The following THSD7A variants were observed in gnomAD, a reference collection of about 807,000 sequenced individuals.
The protein encoded by THSD7A is thrombospondin type 1 domain containing 7A.
Under a neutral mutation model 231.3 loss-of-function variants are expected in THSD7A, and 96 were observed. The observed-to-expected ratio is 0.41, with a 90% confidence interval of 0.35 to 0.49. The LOEUF (loss-of-function observed/expected upper bound fraction) is 0.49, where lower values mean the gene tolerates loss of function less well. THSD7A is among the 20% of genes least tolerant of loss of function. The probability of loss-of-function intolerance (pLI) is 0.05; values close to 1 mark genes in which losing one functional copy is unlikely to be tolerated. For missense variants in THSD7A, 2,290 were observed against 2,070.2 expected, an observed-to-expected ratio of 1.11 and a Z score of -2.06; for synonymous variants, 940 against 743.3, an observed-to-expected ratio of 1.26 and a Z score of -4.30.
chr7:11,763,494 A>T (rs1782930142), intron 1 of THSD7A, among the ~76,000 whole-genome samples: 1 of 152,180 alleles, frequency 6.6e-6, no homozygotes, highest in African/African-American at 2.4e-5. Flanking sequence ...ATATATACAC[A>T]TCTATATACA....
At position 11,521,476 on chromosome 7, in the gene THSD7A, T is replaced by TTTTA. The variant is rs779165884; in HGVS notation, c.1822+19939_1822+19942dup. On this transcript the variant is annotated intron_variant, in intron 6 of 27. Transcript: ENST00000423059. Reference sequence around the variant, plus strand: ...GGCCACATTCTTTTTTATTTTTTTATTTTATTTATTTATTTATTTATTTTT... The same window carrying TTTTA: ...GGCCACATTCTTTTTTATTTTTTTATTTTATTTATTTATTTATTTATTTATTTTT... Among the ~76,000 whole-genome samples, 86 of 114,740 alleles carry TTTTA rather than the reference T, an allele frequency of 7.5e-4. 13 individuals are homozygous for TTTTA. Among genetic ancestry groups the TTTTA allele is most frequent in the African/African-American group, 2.2e-3 (59 of 26,288 alleles). The allele number at this position is 114,740 out of a possible 152,430, so 75.3% of individuals were successfully genotyped here. A position where few individuals can be genotyped will look rare whatever the true frequency, so the allele number is the denominator to read the frequency against.
At chr7:11,782,675 TTATAAAA>T (rs1783671112) in intron 1 of THSD7A, among the ~76,000 whole-genome samples, 1 of 152,110 alleles carries the variant, frequency 6.6e-6, no homozygotes, top group Non-Finnish European at 1.5e-5. Flanking sequence ...CAGAATATAA[TTATAAAA>T]TAAAACCAAT....
intron 11 of THSD7A, among the ~76,000 whole-genome samples, chr7:11,454,837 T>C (rs1238107307): frequency 2.0e-5 from 3 of 152,150 alleles, no homozygotes; most frequent in East Asian, 1.9e-4. Context: ...TTTTAGAAAT[T>C]TGAGTTACCT....
At chr7:11,690,042 T>C (rs377444222) in intron 1 of THSD7A, among the ~76,000 whole-genome samples, 12 of 151,906 alleles carry the variant, frequency 7.9e-5, no homozygotes, top group South Asian at 6.2e-4. Context: ...AATATGACCA[T>C]ACAATCTTAG....
intron 4 of THSD7A, among the ~76,000 whole-genome samples, chr7:11,589,215 C>A (rs1051025962): frequency 4.6e-5 from 7 of 151,964 alleles, no homozygotes; most frequent in African/African-American, 1.7e-4. Flanking sequence ...CTTTTTCTAC[C>A]AAGGTATTTT....
At chr7:11,532,798 A>G (rs1400583733) in intron 6 of THSD7A, among the ~76,000 whole-genome samples, 4 of 152,224 alleles carry the variant, frequency 2.6e-5, no homozygotes, top group African/African-American at 9.6e-5. Flanking sequence ...GAAATAATTC[A>G]ATGTGCAATT....
chr7:11,647,395 C>A (rs1457435894), intron 1 of THSD7A, among the ~76,000 whole-genome samples: 1 of 152,010 alleles, frequency 6.6e-6, no homozygotes, highest in Non-Finnish European at 1.5e-5. Context: ...TATGGCACAG[C>A]ACCATATTTT....
rs1460464510 is a variant in THSD7A at position 11,447,284 on chromosome 7, A to G, written c.2746T>C (p.Ser916Pro). Residue 916 changes from serine to proline, a missense_variant, in exon 12 of 28, where the codon TCT becomes CCT. Coordinates refer to ENST00000423059, the MANE Select transcript of THSD7A (RefSeq NM_015204.3). ...GCACCACAGTCTCCATTGCATGAAG[A>G]AAACTTGGACCAGCTGGTCAATTGA... ...DCQLTSWSKF[S>P]SCNGDCGAVR... 1.2e-6 allele frequency: 2 copies of G among 1,612,966 alleles called. No individual in the cohort carries two copies. Among genetic ancestry groups the G allele is most frequent in the South Asian group, 1.1e-5 (1 of 91,070 alleles).
chr7:11,382,622 G>C lies in THSD7A; in HGVS notation c.4412-6C>G, dbSNP rs978280644. ...ATATTCATAGCACTGTCCATCTGCA[G>C]GGAAATAATAAACATTAGCAGAAGC... On this transcript the variant is annotated splice_region_variant and splice_polypyrimidine_tract_variant and intron_variant, in intron 23 of 27. Coordinates refer to ENST00000423059, the MANE Select transcript of THSD7A (RefSeq NM_015204.3). The C allele has an allele frequency of 6.2e-7, 1 of 1,608,012 alleles. No individual in the cohort carries two copies. The highest frequency in any genetic ancestry group is 1.7e-5 in the Admixed American group (1 of 59,758).
intron 6 of THSD7A, among the ~76,000 whole-genome samples, chr7:11,533,762 A>G (rs1788800890): frequency 6.6e-6 from 1 of 152,154 alleles, no homozygotes; most frequent in South Asian, 2.1e-4. Context: ...GAGCATCAGC[A>G]CAAACAGCTA....
At chr7:11,575,166 A>C (rs1480627673) in intron 4 of THSD7A, among the ~76,000 whole-genome samples, 1 of 152,328 alleles carries the variant, frequency 6.6e-6, no homozygotes. Context: ...CATCCTCTGC[A>C]TCATTATTAT....
chr7:11,472,267 C>T (rs868293426), intron 8 of THSD7A, among the ~76,000 whole-genome samples: 7 of 152,028 alleles, frequency 4.6e-5, no homozygotes, highest in Non-Finnish European at 8.8e-5. Flanking sequence ...AAATCTTATT[C>T]AAGGTCAAAT....
chr7:11,721,556 C>T (rs1343806935), intron 1 of THSD7A, among the ~76,000 whole-genome samples: 1 of 151,712 alleles, frequency 6.6e-6, no homozygotes, highest in African/African-American at 2.4e-5. Context: ...TCATAAGTTA[C>T]CTAGTCTCAG....
chr7:11,782,697 T>C (rs1388049755), intron 1 of THSD7A, among the ~76,000 whole-genome samples: 3 of 152,086 alleles, frequency 2.0e-5, no homozygotes. Flanking sequence ...ACCAATTACA[T>C]TGGTTACTCT....
At chr7:11,380,054 G>C (rs1439194600) in intron 24 of THSD7A, among the ~76,000 whole-genome samples, 1 of 152,134 alleles carries the variant, frequency 6.6e-6, no homozygotes, top group African/African-American at 2.4e-5. Flanking sequence ...TTGAAAAGCT[G>C]ATTTCATTTC....
At chr7:11,436,924 G>A (rs1784651927) in intron 13 of THSD7A, among the ~76,000 whole-genome samples, 1 of 152,012 alleles carries the variant, frequency 6.6e-6, no homozygotes, top group Non-Finnish European at 1.5e-5. Flanking sequence ...AGTCAATTTT[G>A]TTTTATATCC....
intron 1 of THSD7A, among the ~76,000 whole-genome samples, chr7:11,732,148 G>A (rs927697535): frequency 6.6e-6 from 1 of 151,698 alleles, no homozygotes; most frequent in African/African-American, 2.4e-5. Context: ...TGTTTATTGA[G>A]CATCAGATGC....
chr7:11,379,975 T>A (rs1332395571), intron 24 of THSD7A, among the ~76,000 whole-genome samples: 1 of 152,186 alleles, frequency 6.6e-6, no homozygotes, highest in Non-Finnish European at 1.5e-5. Context: ...ATTTTATAGC[T>A]GCTATTTTGA....
chr7:11,533,287 C>G (rs1222263593), intron 6 of THSD7A, among the ~76,000 whole-genome samples: 1 of 152,006 alleles, frequency 6.6e-6, no homozygotes, highest in African/African-American at 2.4e-5. Context: ...TAAGCCATTT[C>G]TTATGGAAAA....
Sources: gnomAD v4.1 joint callset for allele counts (sites outside exome capture counted in the v4.1 genomes callset) on GRCh38, gnomAD v4.1.1 for gene constraint, MANE v1.5 for transcripts, NCBI Gene and HGNC (gene_info 2026-07-23, HGNC 2026-07-21) for gene names.